ADNP2: variants seen among roughly 807,000 people sequenced by gnomAD.
The protein encoded by ADNP2 is activity-dependent neuroprotector homeobox protein 2.
A neutral mutation model predicts 16.4 loss-of-function variants in ADNP2; 8 were observed. The ratio of observed to expected loss-of-function variants is 0.49; its 90% CI spans 0.29 to 0.88. ADNP2 has a LOEUF of 0.88. ADNP2 is among the 40% of genes least tolerant of loss of function. The probability of loss-of-function intolerance (pLI) is 0.09; values close to 1 mark genes in which losing one functional copy is unlikely to be tolerated. For missense variants in ADNP2, 1,397 were observed against 1,395.1 expected, an observed-to-expected ratio of 1.00 and a Z score of -0.02; for synonymous variants, 637 against 545.8, an observed-to-expected ratio of 1.17 and a Z score of -2.33.
intron 2 of ADNP2, among the ~76,000 whole-genome samples, chr18:80,128,921 A>G (rs2052477746): frequency 6.6e-6 from 1 of 152,118 alleles, no homozygotes; most frequent in African/African-American, 2.4e-5. Flanking sequence ...GCCACCATTA[A>G]CATCGTATTG....
chr18:80,117,485 TTA>T, intron 1 of ADNP2, 43 bp from the exon 2 acceptor site: 9 of 1,209,354 alleles, frequency 7.4e-6, no homozygotes, highest in Non-Finnish European at 6.9e-6. Flanking sequence ...TTTTTGTGTA[TTA>T]TATACATGTA....
In ADNP2 at chr18:80,135,739, C is replaced by A. The variant is rs759243160; in HGVS notation, c.326C>A (p.Pro109Gln). The change falls in exon 4 of 4, where the codon CCA (proline) becomes CAA (glutamine). Residue 109 changes from proline to glutamine, a missense_variant. Around this residue, in one of 3 missense-constraint regions of ADNP2, gnomAD observed 777 missense variants for 719.4 expected, o/e 1.08. Coordinates refer to ENST00000262198, the MANE Select transcript of ADNP2 (RefSeq NM_014913.4). Reference protein sequence around the residue: ...EIDQELVIPCPNCVFASQPKV... With the variant: ...EIDQELVIPCQNCVFASQPKV... ...GACCAAGAGCTGGTGATCCCTTGCC[C>A]AAACTGTGTATTTGCATCTCAGCCC... is the stretch of plus-strand genomic sequence containing the variant. 1 of 1,614,186 alleles carries A rather than the reference C, an allele frequency of 6.2e-7. No homozygotes were observed. The highest frequency in any genetic ancestry group is 8.5e-7 in the Non-Finnish European group (1 of 1,180,038).
chr18:80,109,910 C>T (rs924048437), intron 1 of ADNP2: 2 of 152,336 alleles, frequency 1.3e-5, no homozygotes, highest in African/African-American at 2.4e-5. Flanking sequence ...CTGTGGCGAC[C>T]CCTGTAAGGA....
chr18:80,138,815 G>C lies in ADNP2; in HGVS notation c.*6G>C. 8.6e-7 allele frequency: 1 copy of C among 1,166,102 alleles called. No individual in the cohort carries two copies. Among genetic ancestry groups the C allele is most frequent in the Non-Finnish European group, 1.1e-6 (1 of 924,250 alleles). The allele number at this position is 1,166,102 out of a possible 1,614,324, so 72.2% of individuals were successfully genotyped here. On this transcript the variant is annotated 3_prime_UTR_variant, in exon 4 of 4. Transcript: ENST00000262198. ...ACTTTGAATATGAACCATAAAACTT[G>C]CAAAAAAAAAAAAAAGTAACTCTAA...
In ADNP2 at chr18:80,139,648, C is replaced by T. The variant is rs965660038; in HGVS notation, c.*839C>T. The stretch of plus-strand genomic sequence containing the variant: ...CTTTAGAATAAACATTGAAAGAATA[C>T]ACCCCAAAACTCTTCTCCTAACTTA... On this transcript the variant is annotated 3_prime_UTR_variant, in exon 4 of 4. Transcript: ENST00000262198. 9 of 152,512 alleles carry T rather than the reference C, an allele frequency of 5.9e-5. No homozygotes were observed. The highest frequency in any genetic ancestry group is 3.3e-4 in the Admixed American group (5 of 15,268). The allele number at this position is 152,512 out of a possible 1,614,324, so 9.4% of individuals were successfully genotyped here.
In ADNP2 at chr18:80,138,832, T is replaced by G. The variant is rs777279115; in HGVS notation, c.*23T>G. On this transcript the variant is annotated 3_prime_UTR_variant, in exon 4 of 4. Transcript: ENST00000262198. ...TAAAACTTGCAAAAAAAAAAAAAAG[T>G]AACTCTAAAGTAGTAGGTAGATTTT... The G allele has an allele frequency of 6.9e-6, 6 of 867,984 alleles. No homozygotes were observed. The African/African-American group carries it at 9.2e-5, about 13-fold the overall frequency. The allele number at this position is 867,984 out of a possible 1,614,324, so 53.8% of individuals were successfully genotyped here. A position where few individuals can be genotyped will look rare whatever the true frequency, so the allele number is the denominator to read the frequency against.
chr18:80,139,575 T>C lies in ADNP2; in HGVS notation c.*766T>C, dbSNP rs1276772507. ...TCAGTGTAGATTTTCCCTTTTGATA[T>C]GCTAAGTCATTTCTCCGTTCAGAGG... On this transcript the variant is annotated 3_prime_UTR_variant, in exon 4 of 4. Transcript: ENST00000262198. The C allele has an allele frequency of 6.6e-6, 1 of 152,532 alleles. No homozygotes were observed. Among genetic ancestry groups the C allele is most frequent in the African/African-American group, 2.4e-5 (1 of 41,390 alleles). 9.4% of individuals were successfully genotyped at this position (152,532 alleles called of 1,614,324 possible).
rs1275177612 is a variant in ADNP2 at position 80,138,114 on chromosome 18, A to T, written c.2701A>T (p.Met901Leu). The change falls in exon 4 of 4, where the codon ATG becomes TTG. Residue 901 changes from methionine (M) to leucine (L), a missense_variant. By Grantham distance (15) the Met-to-Leu change is conservative. Transcript: ENST00000262198. ...ELHLKERHHI[M>L]PTVHTVLKSP... ...GCATTTGAAGGAGAGGCACCACATC[A>T]TGCCCACAGTCCACACGGTCCTGAA... 2 of 1,613,870 alleles carry T rather than the reference A, an allele frequency of 1.2e-6. No individual in the cohort carries two copies. The highest frequency in any genetic ancestry group is 1.7e-6 in the Non-Finnish European group (2 of 1,180,042).
chr18:80,126,486 T>C (rs918786193), intron 2 of ADNP2, among the ~76,000 whole-genome samples: 1 of 152,184 alleles, frequency 6.6e-6, no homozygotes, highest in Non-Finnish European at 1.5e-5. Flanking sequence ...ATACTTTCTC[T>C]CTAAAAAAAA....
intron 3 of ADNP2, among the ~76,000 whole-genome samples, chr18:80,134,521 A>G (rs1032533237): frequency 1.3e-5 from 2 of 151,954 alleles, no homozygotes; most frequent in African/African-American, 4.8e-5. Flanking sequence ...AGATGAAGCT[A>G]GGTCTTAGCT....
At chr18:80,119,815 A>G (rs768396785) in intron 2 of ADNP2, among the ~76,000 whole-genome samples, 22 of 152,350 alleles carry the variant, frequency 1.4e-4, no homozygotes, top group Non-Finnish European at 3.1e-4. Context: ...TTGTCAAGTT[A>G]CCTGCCAAAC....
At chr18:80,114,572 A>G (rs901342270) in intron 1 of ADNP2, among the ~76,000 whole-genome samples, 1 of 152,196 alleles carries the variant, frequency 6.6e-6, no homozygotes, top group Non-Finnish European at 1.5e-5. Context: ...ACATTCTCCT[A>G]CATATCCATA....
chr18:80,112,767 A>ACTG (rs1875811271), intron 1 of ADNP2, among the ~76,000 whole-genome samples: 1 of 152,200 alleles, frequency 6.6e-6, no homozygotes, highest in Non-Finnish European at 1.5e-5. Context: ...TGCTTTTAAA[A>ACTG]GTCCACCAGT....
At chr18:80,117,218 G>A (rs2052394924) in intron 1 of ADNP2, among the ~76,000 whole-genome samples, 1 of 151,962 alleles carries the variant, frequency 6.6e-6, no homozygotes, top group Non-Finnish European at 1.5e-5. Context: ...CATTACTGGT[G>A]CTTTTTGGTG....
At chr18:80,111,123 T>A (rs1026474293) in intron 1 of ADNP2, among the ~76,000 whole-genome samples, 1 of 152,204 alleles carries the variant, frequency 6.6e-6, no homozygotes, top group Non-Finnish European at 1.5e-5. Flanking sequence ...GGCAATGTGT[T>A]ACATAGGTGG....
At chr18:80,113,121 C>T (rs937668478) in intron 1 of ADNP2, among the ~76,000 whole-genome samples, 3 of 152,206 alleles carry the variant, frequency 2.0e-5, no homozygotes, top group African/African-American at 4.8e-5. Context: ...GTTATGGCAG[C>T]TCTTGTGTGA....
In ADNP2 at chr18:80,136,463, A is replaced by G; in HGVS notation, c.1050A>G (p.Pro350=). The G allele has an allele frequency of 1.9e-6, 3 of 1,613,748 alleles. No individual in the cohort carries two copies. The highest frequency in any genetic ancestry group is 4.5e-5 in the East Asian group (2 of 44,826). The change falls in exon 4 of 4, where the codon CCA becomes CCG. Residue 350 remains proline, a synonymous_variant. Coordinates refer to ENST00000262198, the MANE Select transcript of ADNP2 (RefSeq NM_014913.4). The stretch of plus-strand genomic sequence containing the variant: ...AGAACAGCCTCACCCTGCAGCCCCC[A>G]GCACCTCAGCCCGTCTTTCTTTCTC... The part of the protein sequence containing the change: ...VGQNSLTLQP[P]APQPVFLSHG...
intron 1 of ADNP2, among the ~76,000 whole-genome samples, chr18:80,114,054 G>T (rs1304802088): frequency 6.6e-6 from 1 of 151,866 alleles, no homozygotes; most frequent in Non-Finnish European, 1.5e-5. Flanking sequence ...TTAGCCAGGT[G>T]TGGTGGCATA....
intron 3 of ADNP2, among the ~76,000 whole-genome samples, chr18:80,134,365 C>CA (rs560363075): frequency 2.0e-5 from 3 of 149,340 alleles, no homozygotes; most frequent in Non-Finnish European, 4.5e-5. Flanking sequence ...TCAAAAAAAA[C>CA]AAAAAACTGA....
Sources: allele counts gnomAD v4.1 joint callset (sites outside exome capture counted in the v4.1 genomes callset), GRCh38; gene constraint gnomAD v4.1.1; regional missense constraint gnomAD v4.1.1; transcripts MANE v1.5; gene names NCBI Gene and HGNC (gene_info 2026-07-23, HGNC 2026-07-21).